ALK: variants seen among roughly 807,000 people sequenced by gnomAD.
ALK encodes ALK receptor tyrosine kinase.
ALK carries 74 observed loss-of-function variants against 163.1 expected under a neutral mutation model. The observed-to-expected ratio is 0.45, with a 90% CI of 0.38 to 0.55. ALK has a LOEUF of 0.55. Ranked by LOEUF, ALK falls within the 20% of genes least tolerant of loss-of-function variation. The pLI is 0.00. For synonymous variants in ALK, 960 were observed against 843.2 expected, an observed-to-expected ratio of 1.14 and a Z score of -2.40; for missense variants, 2,063 against 2,105.3, an observed-to-expected ratio of 0.98 and a Z score of 0.39.
intron 3 of ALK, among the ~76,000 whole-genome samples, chr2:29,674,689 T>C (rs892001001): frequency 3.3e-5 from 5 of 151,228 alleles, no homozygotes; most frequent in African/African-American, 1.2e-4. Flanking sequence ...GCTGGCCTCA[T>C]AAAATGAGTT....
At chr2:29,622,000 C>T (rs1174289136) in intron 3 of ALK, among the ~76,000 whole-genome samples, 1 of 152,152 alleles carries the variant, frequency 6.6e-6, no homozygotes, top group Non-Finnish European at 1.5e-5. Flanking sequence ...GCCCACCTCA[C>T]TATGCTGCCA....
chr2:29,880,727 T>C (rs143281171), intron 1 of ALK, among the ~76,000 whole-genome samples: 1 of 152,190 alleles, frequency 6.6e-6, no homozygotes, highest in Non-Finnish European at 1.5e-5. Flanking sequence ...CTAGTACCCA[T>C]GCCATAAAAG....
At chr2:29,199,457 T>A (rs944643912) in intron 26 of ALK, among the ~76,000 whole-genome samples, 1 of 152,340 alleles carries the variant, frequency 6.6e-6, no homozygotes. Context: ...GGAATTTAAT[T>A]TGGTGTCTAG....
At position 29,725,281 on chromosome 2, in the gene ALK, C is replaced by T. The variant is rs535264149; in HGVS notation, c.668-7584G>A. ...GCCTTATTTCCCATTCAGAATCCTT[C>T]CTTTCACATTCTATCCCATTACTCC... On this transcript the variant is annotated intron_variant, in intron 1 of 28. Transcript: ENST00000389048. Among the ~76,000 whole-genome samples the T allele has an allele frequency of 4.6e-5, 7 of 152,072 alleles. No individual in the cohort carries two copies. In the South Asian group the frequency reaches 1.2e-3, roughly 27 times the overall value.
At position 29,921,452 on chromosome 2, in the gene ALK, G is replaced by A. The variant is rs1279155469; in HGVS notation, c.-793C>T. 2 of 232,100 alleles carry A rather than the reference G, an allele frequency of 8.6e-6. No individual in the cohort carries two copies. Among genetic ancestry groups the A allele is most frequent in the African/African-American group, 2.2e-5 (1 of 45,276 alleles). 14.4% of individuals were successfully genotyped at this position (232,100 alleles called of 1,614,324 possible). A position where few individuals can be genotyped will look rare whatever the true frequency, so the allele number is the denominator to read the frequency against. On this transcript the variant is annotated 5_prime_UTR_variant, in exon 1 of 29. Transcript: ENST00000389048. Reference sequence around the variant, plus strand: ...GCCGCCCCCTCCTCACCCATCATCAGCGCCCGCGGCTTTGGGTGGCCGACC... The same window carrying A: ...GCCGCCCCCTCCTCACCCATCATCAACGCCCGCGGCTTTGGGTGGCCGACC...
chr2:29,825,318 T>A (rs187270226), intron 1 of ALK, among the ~76,000 whole-genome samples: 1 of 152,372 alleles, frequency 6.6e-6, no homozygotes, highest in East Asian at 1.9e-4. Flanking sequence ...ATGTATTAAG[T>A]GCCTATTGTG....
rs542382113 is a variant in ALK at position 29,331,060 on chromosome 2, G to A, written c.1283-2579C>T. 6.9e-4 allele frequency among the ~76,000 whole-genome samples: 105 copies of A among 152,266 alleles called. 1 individual carries two copies. The highest frequency in any genetic ancestry group is 2.5e-3 in the African/African-American group (104 of 41,552). On this transcript the variant is annotated intron_variant, in intron 5 of 28. Coordinates refer to ENST00000389048, the MANE Select transcript of ALK (RefSeq NM_004304.5). ...TCCCGCTGAAATCCCAGACAGCCGA[G>A]GCTCCCATCACTGGGAGCCCAGAGT...
chr2:29,315,226 C>T (rs2148245487), intron 8 of ALK, among the ~76,000 whole-genome samples: 1 of 152,030 alleles, frequency 6.6e-6, no homozygotes, highest in Admixed American at 6.5e-5. Flanking sequence ...TAGGAGGCAG[C>T]CGTGGTAGTC....
chr2:29,663,864 G>A (rs979568017), intron 3 of ALK, among the ~76,000 whole-genome samples: 3 of 152,064 alleles, frequency 2.0e-5, no homozygotes, highest in African/African-American at 7.2e-5. Flanking sequence ...TCTAGTGTTT[G>A]TCTATATGTC....
At chr2:29,716,808 C>T (rs1679269008) in intron 2 of ALK, among the ~76,000 whole-genome samples, 1 of 151,568 alleles carries the variant, frequency 6.6e-6, no homozygotes, top group African/African-American at 2.4e-5. Flanking sequence ...TGTAAGGGGC[C>T]CTGGAAGACC....
At chr2:29,644,236 T>C (rs1676805593) in intron 3 of ALK, among the ~76,000 whole-genome samples, 1 of 101,410 alleles carries the variant, frequency 9.9e-6, no homozygotes, top group South Asian at 4.0e-4. Context: ...CATCACACAC[T>C]GGGGCCTGTT....
chr2:29,510,839 T>C (rs1331880564), intron 4 of ALK, among the ~76,000 whole-genome samples: 15 of 152,114 alleles, frequency 9.9e-5, no homozygotes, highest in Admixed American at 9.2e-4. Flanking sequence ...TTCTGAGAAG[T>C]CTTCATGAGG....
intron 11 of ALK, 28 bp downstream of exon 11, chr2:29,275,071 T>C: frequency 6.2e-7 from 1 of 1,613,800 alleles, no homozygotes; most frequent in East Asian, 2.2e-5. Flanking sequence ...GAAGTTACTG[T>C]GCTCACATTT....
chr2:29,260,926 G>T (rs749568337), intron 11 of ALK, among the ~76,000 whole-genome samples: 2 of 151,668 alleles, frequency 1.3e-5, no homozygotes, highest in Admixed American at 1.3e-4. Context: ...ACTTTTATCT[G>T]GACATTCTCT....
intron 6 of ALK, 99 bp from the exon 7 acceptor site, chr2:29,320,981 C>T: frequency 1.4e-6 from 2 of 1,431,920 alleles, no homozygotes; most frequent in Non-Finnish European, 2.0e-6. Flanking sequence ...AAATTATCTT[C>T]ATTAGTAATA....
chr2:29,670,647 G>T (rs1479497160), intron 3 of ALK, among the ~76,000 whole-genome samples: 2 of 151,796 alleles, frequency 1.3e-5, no homozygotes, highest in Non-Finnish European at 2.9e-5. Context: ...TCTTAGATTT[G>T]GTCTTTGGAG....
chr2:29,341,417 T>C (rs1667788112), intron 5 of ALK, among the ~76,000 whole-genome samples: 1 of 152,204 alleles, frequency 6.6e-6, no homozygotes, highest in African/African-American at 2.4e-5. Context: ...GAGTGATGGC[T>C]GATTCACAGT....
intron 1 of ALK, among the ~76,000 whole-genome samples, chr2:29,778,498 G>C (rs1222407631): frequency 6.6e-6 from 1 of 152,162 alleles, no homozygotes; most frequent in Non-Finnish European, 1.5e-5. Flanking sequence ...CAGGTTGGCC[G>C]CCATCATGCG....
Position 29,245,447 on chromosome 2 carries a change from A to C in ALK, c.2205-5617T>G, listed in dbSNP as rs191886196. On this transcript the variant is annotated intron_variant, in intron 12 of 28. Transcript: ENST00000389048. ...GGGGCTCCATGGCTCAGTGCCCTGC[A>C]CGTAGTAGGGGCTCCATGGCTCAGT... Among the ~76,000 whole-genome samples the C allele has an allele frequency of 3.1e-3, 428 of 139,474 alleles. 4 individuals are homozygous for C. The highest frequency in any genetic ancestry group is 0.011 in the African/African-American group (391 of 36,424). The allele number at this position is 139,474 out of a possible 152,430, so 91.5% of individuals were successfully genotyped here.
Sources: allele counts gnomAD v4.1 joint callset (sites outside exome capture counted in the v4.1 genomes callset), GRCh38; gene constraint gnomAD v4.1.1; transcripts MANE v1.5; gene names NCBI Gene and HGNC (gene_info 2026-07-23, HGNC 2026-07-21).